SLC16A7: variants seen among roughly 807,000 people sequenced by gnomAD.
SLC16A7 encodes the protein monocarboxylate transporter 2.
A neutral mutation model predicts 34.9 loss-of-function variants in SLC16A7; 33 were observed. That is an observed-to-expected ratio of 0.94 (90% confidence interval 0.72 to 1.26). The LOEUF (loss-of-function observed/expected upper bound fraction) is 1.26. Ranked by LOEUF, SLC16A7 falls within the 50% of genes most tolerant of loss-of-function variation. SLC16A7 has a pLI of 0.00. For missense variants in SLC16A7, 573 were observed against 578.1 expected, an observed-to-expected ratio of 0.99 and a Z score of 0.09; for synonymous variants, 201 against 206.6, an observed-to-expected ratio of 0.97 and a Z score of 0.23.
At chr12:59,679,319 T>C (rs559901919) in intron 2 of SLC16A7, among the ~76,000 whole-genome samples, 73 of 152,272 alleles carry the variant, frequency 4.8e-4, no homozygotes, top group African/African-American at 1.7e-3. Flanking sequence ...CCCGGCTATT[T>C]GGAGCCCCAG....
At chr12:59,753,674 A>G (rs1320545792) in intron 3 of SLC16A7, among the ~76,000 whole-genome samples, 2 of 152,048 alleles carry the variant, frequency 1.3e-5, no homozygotes, top group African/African-American at 4.8e-5. Flanking sequence ...TTAACACCCC[A>G]CTGTCAACAT....
At position 59,788,985 on chromosome 12, in the gene SLC16A7, G is replaced by A. The variant is rs1016324110; in HGVS notation, c.*9306G>A. On this transcript the variant is annotated 3_prime_UTR_variant, in exon 6 of 6. Transcript: ENST00000547379. ...GAACATAATGTTTTAAAAAAATCTT[G>A]GTTGTAGTTTCTAATTTTCACTGCA... is the stretch of plus-strand genomic sequence containing the variant. 2.6e-5 allele frequency: 4 copies of A among 151,904 alleles called. No homozygotes were observed. The highest frequency in any genetic ancestry group is 3.8e-4 in the East Asian group (2 of 5,196). 9.4% of individuals were successfully genotyped at this position (151,904 alleles called of 1,614,324 possible).
In SLC16A7 at chr12:59,671,690, ATG is replaced by A. The variant is rs972227649; in HGVS notation, c.-31+16452_-31+16453del. Among the ~76,000 whole-genome samples, 35 of 130,538 alleles carry A rather than the reference ATG, an allele frequency of 2.7e-4. 1 individual carries two copies. The South Asian group carries it at 6.1e-3, about 23-fold the overall frequency. 85.6% of individuals were successfully genotyped at this position (130,538 alleles called of 152,430 possible). On this transcript the variant is annotated intron_variant, in intron 2 of 5. Coordinates refer to ENST00000547379, the MANE Select transcript of SLC16A7 (RefSeq NM_001270623.2). ...TCTCTCTCTCTCTCTATATATATAT[ATG>A]TGTGTGTGTGTATATATATATGTGT... is the stretch of plus-strand genomic sequence containing the variant.
At chr12:59,742,663 A>G (rs1292265334) in intron 3 of SLC16A7, among the ~76,000 whole-genome samples, 1 of 152,248 alleles carries the variant, frequency 6.6e-6, no homozygotes, top group Non-Finnish European at 1.5e-5. Flanking sequence ...TCCTGATCTA[A>G]AAGATAAACC....
chr12:59,694,570 T>C (rs113916152), intron 2 of SLC16A7, among the ~76,000 whole-genome samples: 57 of 152,058 alleles, frequency 3.7e-4, no homozygotes, highest in African/African-American at 1.3e-3. Context: ...ATGGTTTAAG[T>C]GTACAATACA....
chr12:59,766,630 C>T (rs147227812), intron 3 of SLC16A7, among the ~76,000 whole-genome samples: 7,143 of 152,144 alleles, frequency 0.047, 552 homozygotes, highest in African/African-American at 0.16. Context: ...TGCTGGATTA[C>T]GTTTATTGGT....
At position 59,636,988 on chromosome 12, in the gene SLC16A7, T is replaced by A. The variant is rs576848598; in HGVS notation, c.-129-18164T>A. Reference sequence around the variant, plus strand: ...AAGTACCTCTGACCTTTCAGCTCATTTCTTTGAACAGAAAATAGTTAAGAA... The same window carrying A: ...AAGTACCTCTGACCTTTCAGCTCATATCTTTGAACAGAAAATAGTTAAGAA... On this transcript the variant is annotated intron_variant, in intron 1 of 5. Coordinates refer to ENST00000547379, the MANE Select transcript of SLC16A7 (RefSeq NM_001270623.2). 2.6e-5 allele frequency among the ~76,000 whole-genome samples: 4 copies of A among 152,266 alleles called. No homozygotes were observed. In the East Asian group the frequency reaches 7.7e-4, roughly 29 times the overall value.
chr12:59,748,938 A>G (rs1423620587), intron 3 of SLC16A7, among the ~76,000 whole-genome samples: 1 of 152,238 alleles, frequency 6.6e-6, no homozygotes, highest in African/African-American at 2.4e-5. Context: ...AATTTTAAGT[A>G]GAGATTTGGC....
chr12:59,608,528 C>G lies in SLC16A7; in HGVS notation c.-130+12292C>G, dbSNP rs181803306. ...ATCTAAGAAAATGTAAGTCTGTGTT[C>G]CCTGTAGGCCGCATTAGCATCTGTG... On this transcript the variant is annotated intron_variant, in intron 1 of 5. Transcript: ENST00000547379. Among the ~76,000 whole-genome samples the G allele has an allele frequency of 3.9e-5, 6 of 152,230 alleles. No homozygotes were observed. The East Asian group carries it at 1.2e-3, about 29-fold the overall frequency.
chr12:59,619,497 T>C (rs1337762782), intron 1 of SLC16A7, among the ~76,000 whole-genome samples: 1 of 152,070 alleles, frequency 6.6e-6, no homozygotes, highest in Non-Finnish European at 1.5e-5. Flanking sequence ...GGAAAATACA[T>C]GTAATGTGAA....
intron 1 of SLC16A7, among the ~76,000 whole-genome samples, chr12:59,598,835 CTG>C (rs1878546364): frequency 3.3e-5 from 5 of 152,332 alleles, no homozygotes; most frequent in Middle Eastern, 6.8e-3. Context: ...TATAAAGTAA[CTG>C]TAGTATATAA....
At chr12:59,694,104 G>T (rs766367246) in intron 2 of SLC16A7, among the ~76,000 whole-genome samples, 1 of 151,864 alleles carries the variant, frequency 6.6e-6, no homozygotes, top group Non-Finnish European at 1.5e-5. Context: ...TAAATCATAT[G>T]GCATGTGTGT....
chr12:59,665,262 A>G (rs1030394481), intron 2 of SLC16A7, among the ~76,000 whole-genome samples: 6 of 152,088 alleles, frequency 3.9e-5, no homozygotes, highest in Non-Finnish European at 7.4e-5. Flanking sequence ...TACATTATAT[A>G]GTGTGCCAAG....
intron 2 of SLC16A7, among the ~76,000 whole-genome samples, chr12:59,660,280 T>A (rs1052482331): frequency 6.6e-6 from 1 of 151,828 alleles, no homozygotes; most frequent in East Asian, 2.0e-4. Flanking sequence ...GCAAAAGAGG[T>A]CCACGTCTTC....
At position 59,771,868 on chromosome 12, in the gene SLC16A7, A is replaced by C. The variant is rs529407449; in HGVS notation, c.361+506A>C. 4.6e-5 allele frequency among the ~76,000 whole-genome samples: 7 copies of C among 152,234 alleles called. No individual in the cohort carries two copies. The South Asian group carries it at 1.5e-3, about 32-fold the overall frequency. ...TTCTGATTAGTGGTAGAGCTCATTA[A>C]CCGTGTTCCTTCTTTTTCTTACTGA... On this transcript the variant is annotated intron_variant, in intron 4 of 5. Coordinates refer to ENST00000547379, the MANE Select transcript of SLC16A7 (RefSeq NM_001270623.2).
At chr12:59,706,863 C>G (rs1873646142) in intron 3 of SLC16A7, among the ~76,000 whole-genome samples, 1 of 151,750 alleles carries the variant, frequency 6.6e-6, no homozygotes, top group Non-Finnish European at 1.5e-5. Context: ...GTCATAATTC[C>G]TTATTGAGCA....
At chr12:59,754,919 G>A (rs2137353698) in intron 3 of SLC16A7, among the ~76,000 whole-genome samples, 2 of 152,160 alleles carry the variant, frequency 1.3e-5, no homozygotes, top group East Asian at 3.9e-4. Context: ...ATGATCAAGT[G>A]GGCTTCATCC....
intron 2 of SLC16A7, among the ~76,000 whole-genome samples, chr12:59,681,375 ACTC>A (rs1870736880): frequency 1.3e-5 from 2 of 152,084 alleles, no homozygotes; most frequent in South Asian, 2.1e-4. Context: ...ATGCAAATAA[ACTC>A]CTAGGATGTT....
chr12:59,785,009 A>G lies in SLC16A7; in HGVS notation c.*5330A>G, dbSNP rs1592291109. 2.0e-5 allele frequency: 3 copies of G among 152,318 alleles called. No individual in the cohort carries two copies. Among genetic ancestry groups the G allele is most frequent in the Admixed American group, 2.0e-4 (3 of 15,294 alleles). 9.4% of individuals were successfully genotyped at this position (152,318 alleles called of 1,614,324 possible). A position where few individuals can be genotyped will look rare whatever the true frequency, so the allele number is the denominator to read the frequency against. ...ACTAATTAGCATCTATATTGAGAATATAAGATTAATATTACAAACTTGACT... is the reference window on the plus strand; with the variant it reads ...ACTAATTAGCATCTATATTGAGAATGTAAGATTAATATTACAAACTTGACT... On this transcript the variant is annotated 3_prime_UTR_variant, in exon 6 of 6. Coordinates refer to ENST00000547379, the MANE Select transcript of SLC16A7 (RefSeq NM_001270623.2).
Sources: allele counts gnomAD v4.1 joint callset (sites outside exome capture counted in the v4.1 genomes callset), GRCh38; gene constraint gnomAD v4.1.1; transcripts MANE v1.5; gene names NCBI Gene and HGNC (gene_info 2026-07-23, HGNC 2026-07-21).